Variants in CSMD1 observed in about 807,000 individuals in gnomAD.
CSMD1 encodes CUB and sushi domain-containing protein 1.
A neutral mutation model predicts 417.5 loss-of-function variants in CSMD1; 213 were observed. The ratio of observed to expected loss-of-function variants is 0.51; its 90% CI spans 0.46 to 0.57. The LOEUF is 0.57. Ranked by LOEUF, CSMD1 falls within the 20% of genes least tolerant of loss-of-function variation. The pLI is 0.00. For missense variants in CSMD1, 6,923 were observed against 4,529.7 expected (o/e 1.53, Z -15.17); for synonymous variants, 2,862 against 1,736.8 (o/e 1.65, Z -16.11).
At chr8:4,097,176 C>T (rs116539268) in intron 3 of CSMD1, among the ~76,000 whole-genome samples, 1,881 of 152,214 alleles carry the variant, frequency 0.012, 48 homozygotes, top group African/African-American at 0.043. Flanking sequence ...ATTATATATG[C>T]TCAATAAGCA....
rs185895803 is a variant in CSMD1, at chr8:3,256,989, A to G, written c.4154-26758T>C. On this transcript the variant is annotated intron_variant, in intron 26 of 69. Transcript: ENST00000635120. The stretch of plus-strand genomic sequence containing the variant: ...GAGAAAATAAAATATTTGTAAGAGA[A>G]TTTTCATTACTATTCATTCATTTAT... Among the ~76,000 whole-genome samples, 3 of 152,364 alleles carry G rather than the reference A, an allele frequency of 2.0e-5. No homozygotes were observed. In the East Asian group the frequency reaches 5.8e-4, roughly 29 times the overall value.
intron 5 of CSMD1, among the ~76,000 whole-genome samples, chr8:3,844,862 A>T (rs1803390169): frequency 6.6e-6 from 1 of 152,192 alleles, no homozygotes; most frequent in South Asian, 2.1e-4. Flanking sequence ...GTCTCTTAAA[A>T]TTTAAAACTA....
intron 54 of CSMD1, among the ~76,000 whole-genome samples, chr8:2,992,011 CAT>C (rs1291124801): frequency 2.0e-5 from 3 of 152,114 alleles, no homozygotes; most frequent in African/African-American, 4.8e-5. Context: ...TTAAATATTC[CAT>C]ATGAGAAACA....
chr8:4,858,564 A>T (rs1299490257), intron 1 of CSMD1, among the ~76,000 whole-genome samples: 1 of 152,222 alleles, frequency 6.6e-6, no homozygotes, highest in Non-Finnish European at 1.5e-5. Context: ...AACTTCGGCA[A>T]AGTCTCAGGA....
At chr8:3,508,603 T>G (rs961112707) in intron 10 of CSMD1, among the ~76,000 whole-genome samples, 1 of 152,130 alleles carries the variant, frequency 6.6e-6, no homozygotes, top group Non-Finnish European at 1.5e-5. Flanking sequence ...ATTTTAGCGA[T>G]GTGTGAGAAA....
intron 9 of CSMD1, among the ~76,000 whole-genome samples, chr8:3,583,436 G>A (rs1800465501): frequency 6.6e-6 from 1 of 151,932 alleles, no homozygotes; most frequent in Non-Finnish European, 1.5e-5. Flanking sequence ...CTTGGAAAGA[G>A]CTAGAGATAT....
At chr8:3,092,123 T>C (rs7006419) in intron 47 of CSMD1, among the ~76,000 whole-genome samples, 25,326 of 152,160 alleles carry the variant, frequency 0.17, 3,429 homozygotes, top group African/African-American at 0.38. Context: ...TACGCAAGTA[T>C]TATTTATATA....
At position 4,086,476 on chromosome 8, in the gene CSMD1, G is replaced by C. The variant is rs1047354562; in HGVS notation, c.416-54377C>G. Among the ~76,000 whole-genome samples the C allele has an allele frequency of 2.0e-5, 3 of 152,138 alleles. No individual in the cohort carries two copies. In the East Asian group the frequency reaches 5.8e-4, roughly 29 times the overall value. On this transcript the variant is annotated intron_variant, in intron 3 of 69. Transcript: ENST00000635120. Reference sequence around the variant, plus strand: ...ACACTCTAATTCATTAATTCGTTCTGACTGTACATTCATGGAATTCTAACT... The same window carrying C: ...ACACTCTAATTCATTAATTCGTTCTCACTGTACATTCATGGAATTCTAACT...
At chr8:4,908,414 G>A (rs1006135661) in intron 1 of CSMD1, among the ~76,000 whole-genome samples, 1 of 152,122 alleles carries the variant, frequency 6.6e-6, no homozygotes, top group Non-Finnish European at 1.5e-5. Context: ...ATTTTGGAAA[G>A]CTCCCAGTAT....
At chr8:3,506,594 C>T (rs1048189917) in intron 10 of CSMD1, among the ~76,000 whole-genome samples, 1 of 152,166 alleles carries the variant, frequency 6.6e-6, no homozygotes. Context: ...CTCTAAATAT[C>T]TCTATGTCTC....
At chr8:3,092,068 G>C (rs548617993) in intron 47 of CSMD1, among the ~76,000 whole-genome samples, 8 of 152,232 alleles carry the variant, frequency 5.3e-5, no homozygotes, top group African/African-American at 1.2e-4. Flanking sequence ...GTAATATCCA[G>C]TAAAATTGAA....
intron 3 of CSMD1, among the ~76,000 whole-genome samples, chr8:4,215,995 C>A (rs1222382234): frequency 6.6e-6 from 1 of 152,104 alleles, no homozygotes; most frequent in East Asian, 1.9e-4. Flanking sequence ...AGAGTGGTGC[C>A]CATTTCAGCC....
chr8:4,755,496 C>G (rs376976690), intron 1 of CSMD1, among the ~76,000 whole-genome samples: 1 of 152,028 alleles, frequency 6.6e-6, no homozygotes, highest in Non-Finnish European at 1.5e-5. Flanking sequence ...TTTGGCATAA[C>G]GTTAAAATTG....
At chr8:4,636,362 G>C (rs1057457892) in intron 2 of CSMD1, among the ~76,000 whole-genome samples, 2 of 152,088 alleles carry the variant, frequency 1.3e-5, no homozygotes, top group African/African-American at 4.8e-5. Context: ...TTTCTTCATT[G>C]TAAAAACTAT....
chr8:4,908,180 G>C (rs1027925170), intron 1 of CSMD1, among the ~76,000 whole-genome samples: 59 of 152,112 alleles, frequency 3.9e-4, no homozygotes, highest in African/African-American at 1.3e-3. Context: ...TAAATATTTT[G>C]CTCCATTCTC....
intron 3 of CSMD1, among the ~76,000 whole-genome samples, chr8:4,380,626 T>C (rs1803040089): frequency 6.6e-6 from 1 of 152,182 alleles, no homozygotes; most frequent in South Asian, 2.1e-4. Context: ...CGGTACGGAC[T>C]GTAGTCATTA....
At chr8:3,486,091 T>G (rs557700225) in intron 11 of CSMD1, among the ~76,000 whole-genome samples, 1 of 152,300 alleles carries the variant, frequency 6.6e-6, no homozygotes, top group South Asian at 2.1e-4. Flanking sequence ...GAAACAATAC[T>G]GGTGCATTAA....
At chr8:3,878,712 G>C (rs567976965) in intron 5 of CSMD1, among the ~76,000 whole-genome samples, 4 of 152,270 alleles carry the variant, frequency 2.6e-5, no homozygotes, top group African/African-American at 9.6e-5. Flanking sequence ...GCTTCAGTGA[G>C]ACACTGTGTC....
chr8:3,151,370 T>G (rs760945321), intron 40 of CSMD1, 27 bp downstream of exon 40: 5 of 1,452,726 alleles, frequency 3.4e-6, no homozygotes, highest in African/African-American at 1.4e-5. Context: ...AAATGAACTT[T>G]TAGGAATTGG....
Sources: allele counts gnomAD v4.1 joint callset (sites outside exome capture counted in the v4.1 genomes callset), GRCh38; gene constraint gnomAD v4.1.1; transcripts MANE v1.5; gene names NCBI Gene and HGNC (gene_info 2026-07-23, HGNC 2026-07-21).